Variants in HPSE2 observed in about 807,000 individuals in gnomAD.
HPSE2 encodes inactive heparanase-2.
In HPSE2, 38 loss-of-function variants were observed where a neutral mutation model predicts 60.5. The observed-to-expected ratio is 0.63, with a 90% CI of 0.48 to 0.82. The LOEUF (loss-of-function observed/expected upper bound fraction) is 0.82, where lower values mean the gene tolerates loss of function less well. Ranked by LOEUF, HPSE2 falls within the 40% of genes least tolerant of loss-of-function variation. The pLI is 0.00. For missense variants in HPSE2, 713 were observed against 740.4 expected (o/e 0.96, Z 0.43); for synonymous variants, 295 against 293.2 (o/e 1.01, Z -0.06).
intron 7 of HPSE2, among the ~76,000 whole-genome samples, chr10:98,640,194 G>T (rs1946602670): frequency 6.6e-6 from 1 of 152,208 alleles, no homozygotes; most frequent in Non-Finnish European, 1.5e-5. Context: ...CAGAGACCAT[G>T]TCTTATACCA....
chr10:99,015,777 C>T (rs1361717392), intron 3 of HPSE2, among the ~76,000 whole-genome samples: 1 of 152,062 alleles, frequency 6.6e-6, no homozygotes, highest in East Asian at 1.9e-4. Context: ...ATGTAACTAA[C>T]CTGCACGTTG....
At chr10:99,230,655 T>C (rs912821215) in intron 2 of HPSE2, among the ~76,000 whole-genome samples, 2 of 152,126 alleles carry the variant, frequency 1.3e-5, no homozygotes, top group African/African-American at 4.8e-5. Flanking sequence ...TTTAAACAGA[T>C]CTCATTGTTC....
At chr10:99,043,198 C>T (rs1327051371) in intron 3 of HPSE2, among the ~76,000 whole-genome samples, 1 of 152,112 alleles carries the variant, frequency 6.6e-6, no homozygotes. Flanking sequence ...TCTTAAACAG[C>T]TGGAGGCCGG....
At chr10:98,943,492 C>T (rs147279394) in intron 3 of HPSE2, among the ~76,000 whole-genome samples, 23 of 152,116 alleles carry the variant, frequency 1.5e-4, no homozygotes, top group African/African-American at 4.8e-4. Flanking sequence ...CCCACCCCTT[C>T]GTATTCATAG....
chr10:98,899,261 T>C (rs1953589409), intron 3 of HPSE2, among the ~76,000 whole-genome samples: 1 of 152,212 alleles, frequency 6.6e-6, no homozygotes, highest in African/African-American at 2.4e-5. Context: ...ATTTGACCCA[T>C]GGGCTCTAGA....
the HPSE2 span, among the ~76,000 whole-genome samples, chr10:99,266,522 C>T: frequency 3.9e-5 from 6 of 152,032 alleles, no homozygotes; most frequent in African/African-American, 1.2e-4. Context: ...AGCTCAGACA[C>T]GCCTAACCCT....
chr10:98,991,630 G>A (rs1457057826), intron 3 of HPSE2, among the ~76,000 whole-genome samples: 1 of 152,052 alleles, frequency 6.6e-6, no homozygotes, highest in Non-Finnish European at 1.5e-5. Context: ...AGAGTCACAT[G>A]GTTCAACTTA....
Position 99,005,737 on chromosome 10 carries a change from T to C in HPSE2, c.610+138501A>G, listed in dbSNP as rs902525296. On this transcript the variant is annotated intron_variant, in intron 3 of 11. Coordinates refer to ENST00000370552, the MANE Select transcript of HPSE2 (RefSeq NM_021828.5). Reference sequence around the variant, plus strand: ...CTCCTTGGTTTGTCATGTTTCCTCTTATCTTACATTGAAGCTTGCACATGG... The same window carrying C: ...CTCCTTGGTTTGTCATGTTTCCTCTCATCTTACATTGAAGCTTGCACATGG... Among the ~76,000 whole-genome samples, 4 of 152,188 alleles carry C rather than the reference T, an allele frequency of 2.6e-5. No individual in the cohort carries two copies. In the South Asian group the frequency reaches 8.3e-4, roughly 32 times the overall value.
chr10:98,478,355 CT>C (rs1489965296), intron 11 of HPSE2, among the ~76,000 whole-genome samples: 1 of 152,108 alleles, frequency 6.6e-6, no homozygotes, highest in African/African-American at 2.4e-5. Context: ...CTTGACTTTG[CT>C]GATGACCACT....
the HPSE2 span, among the ~76,000 whole-genome samples, chr10:99,282,802 C>T: frequency 1.3e-5 from 2 of 151,916 alleles, no homozygotes; most frequent in African/African-American, 2.4e-5. Flanking sequence ...AAATACACTG[C>T]GACAAATAAA....
At chr10:98,856,730 A>G (rs141007852) in intron 3 of HPSE2, among the ~76,000 whole-genome samples, 3 of 152,358 alleles carry the variant, frequency 2.0e-5, no homozygotes, top group African/African-American at 7.2e-5. Flanking sequence ...TGTACGTTTT[A>G]TCACTACAAA....
At chr10:98,694,910 G>C (rs1948172081) in intron 5 of HPSE2, among the ~76,000 whole-genome samples, 1 of 152,206 alleles carries the variant, frequency 6.6e-6, no homozygotes. Flanking sequence ...CTTTTCTTCA[G>C]AGGGAGAAGC....
At chr10:98,463,050 A>T (rs1288966980) in intron 11 of HPSE2, among the ~76,000 whole-genome samples, 2 of 151,738 alleles carry the variant, frequency 1.3e-5, no homozygotes, top group African/African-American at 4.9e-5. Context: ...TTCTCCCCCA[A>T]TTCCCTTGTG....
intron 3 of HPSE2, among the ~76,000 whole-genome samples, chr10:98,764,847 AG>A (rs1378181060): frequency 1.3e-5 from 2 of 152,208 alleles, no homozygotes; most frequent in Admixed American, 1.3e-4. Context: ...ACAGAGAGCC[AG>A]AGAGCCAGAC....
At chr10:98,910,323 A>G (rs774840329) in intron 3 of HPSE2, among the ~76,000 whole-genome samples, 4 of 152,216 alleles carry the variant, frequency 2.6e-5, no homozygotes, top group Non-Finnish European at 5.9e-5. Context: ...ATCAGACTCA[A>G]GAAGGTTTAT....
rs879175537 is a variant in HPSE2 at position 98,615,177 on chromosome 10, C to G, written c.1206-159G>C. The stretch of plus-strand genomic sequence containing the variant: ...GTTATTTTAAGCATTAAGTTCACAG[C>G]TGTAATATATTTTAGAGATTATCAA... On this transcript the variant is annotated intron_variant, in intron 8 of 11. Coordinates refer to ENST00000370552, the MANE Select transcript of HPSE2 (RefSeq NM_021828.5). Among the ~76,000 whole-genome samples, 5 of 152,302 alleles carry G rather than the reference C, an allele frequency of 3.3e-5. No individual in the cohort carries two copies. In the East Asian group the frequency reaches 7.7e-4, roughly 23 times the overall value.
intron 9 of HPSE2, among the ~76,000 whole-genome samples, chr10:98,492,863 G>A (rs1941705418): frequency 6.6e-6 from 1 of 152,088 alleles, no homozygotes. Flanking sequence ...ATTTTTAAGT[G>A]TACAGTTCAG....
intron 3 of HPSE2, among the ~76,000 whole-genome samples, chr10:98,969,349 C>T (rs769204589): frequency 2.6e-5 from 4 of 152,112 alleles, no homozygotes. Flanking sequence ...TCTACCTGCC[C>T]TTCAGCATCA....
chr10:98,494,860 G>T (rs548856580), intron 9 of HPSE2, among the ~76,000 whole-genome samples: 1 of 152,114 alleles, frequency 6.6e-6, no homozygotes. Flanking sequence ...AGAGGTATTA[G>T]TCTGTTAAAA....
Sources: allele counts gnomAD v4.1 joint callset (sites outside exome capture counted in the v4.1 genomes callset), GRCh38; gene constraint gnomAD v4.1.1; transcripts MANE v1.5; gene names NCBI Gene and HGNC (gene_info 2026-07-23, HGNC 2026-07-21).